The following GALNTL6 variants were observed in gnomAD, a reference collection of about 807,000 sequenced individuals.
GALNTL6 encodes polypeptide N-acetylgalactosaminyltransferase-like 6.
A neutral mutation model predicts 73.7 loss-of-function variants in GALNTL6; 46 were observed. The observed-to-expected ratio is 0.62, with a 90% CI of 0.49 to 0.80. The LOEUF is 0.80. GALNTL6 is among the 30% of genes least tolerant of loss of function. GALNTL6 has a pLI of 0.00. For synonymous variants in GALNTL6, 259 were observed against 263.7 expected (o/e 0.98, Z 0.17); for missense variants, 604 against 755.0 (o/e 0.80, Z 2.34).
chr4:171,907,167 A>G (rs1737310257), intron 2 of GALNTL6, among the ~76,000 whole-genome samples: 1 of 152,082 alleles, frequency 6.6e-6, no homozygotes, highest in Non-Finnish European at 1.5e-5. Flanking sequence ...GGAGAAGGAA[A>G]TAAAGGGTAT....
At chr4:171,962,186 C>T (rs1204814608) in intron 2 of GALNTL6, among the ~76,000 whole-genome samples, 1 of 152,080 alleles carries the variant, frequency 6.6e-6, no homozygotes, top group Non-Finnish European at 1.5e-5. Flanking sequence ...TGTCTCTAAC[C>T]CTTTGGATTA....
In GALNTL6 at chr4:172,680,380, G is replaced by GA. The variant is rs201365314; in HGVS notation, c.554-128975dup. ...GAACTAAGAAGGAATAATAATAATGGAAAAAAGGAAGGAAGGAATGAAGGG... is the reference window on the plus strand; with the variant it reads ...GAACTAAGAAGGAATAATAATAATGGAAAAAAAGGAAGGAAGGAATGAAGGG... On this transcript the variant is annotated intron_variant, in intron 5 of 12. Transcript: ENST00000506823. Among the ~76,000 whole-genome samples the GA allele has an allele frequency of 5.8e-3, 877 of 151,980 alleles. 14 individuals carry two copies. Among genetic ancestry groups the GA allele is most frequent in the African/African-American group, 0.018 (727 of 41,440 alleles).
At position 172,066,707 on chromosome 4, in the gene GALNTL6, T is replaced by G. The variant is rs62331073; in HGVS notation, c.139-162949T>G. ...TCATCTACAGATAGTGTCACCCTAT[T>G]GCATCTGAACACTACACTTATCATT... On this transcript the variant is annotated intron_variant, in intron 2 of 12. Transcript: ENST00000506823. Among the ~76,000 whole-genome samples the G allele has an allele frequency of 1.2e-3, 184 of 152,228 alleles. 1 individual carries two copies. Among genetic ancestry groups the G allele is most frequent in the Middle Eastern group, 3.4e-3 (1 of 294 alleles).
At chr4:172,074,413 G>T (rs951892604) in intron 2 of GALNTL6, among the ~76,000 whole-genome samples, 2 of 152,170 alleles carry the variant, frequency 1.3e-5, no homozygotes, top group Non-Finnish European at 2.9e-5. Context: ...AGACATTTGG[G>T]TTATTTGAAG....
chr4:172,617,269 C>G (rs1738776664), intron 5 of GALNTL6, among the ~76,000 whole-genome samples: 1 of 151,662 alleles, frequency 6.6e-6, no homozygotes, highest in African/African-American at 2.4e-5. Flanking sequence ...TTTGTAATAA[C>G]AGCATCTCAG....
chr4:171,830,948 T>C (rs545822740), intron 2 of GALNTL6, among the ~76,000 whole-genome samples: 31 of 152,278 alleles, frequency 2.0e-4, no homozygotes, highest in African/African-American at 7.2e-4. Context: ...GAAAAGCTTA[T>C]TTTTAAAACT....
chr4:172,036,986 C>T (rs529334361), intron 2 of GALNTL6, among the ~76,000 whole-genome samples: 7 of 152,130 alleles, frequency 4.6e-5, no homozygotes, highest in African/African-American at 1.4e-4. Context: ...CTTTAAGTTA[C>T]AAGCATTCAA....
At chr4:171,941,100 A>G (rs1275907671) in intron 2 of GALNTL6, among the ~76,000 whole-genome samples, 2 of 152,166 alleles carry the variant, frequency 1.3e-5, no homozygotes, top group Non-Finnish European at 2.9e-5. Context: ...ATGTAATATC[A>G]TTAATAATAG....
At chr4:172,756,646 A>AG (rs1265377667) in intron 5 of GALNTL6, among the ~76,000 whole-genome samples, 3 of 152,168 alleles carry the variant, frequency 2.0e-5, no homozygotes, top group Non-Finnish European at 2.9e-5. Context: ...ACTAAAAAAA[A>AG]AAAAAGAAAG....
At chr4:172,261,854 A>G (rs1738269081) in intron 3 of GALNTL6, among the ~76,000 whole-genome samples, 2 of 151,354 alleles carry the variant, frequency 1.3e-5, no homozygotes, top group South Asian at 2.1e-4. Context: ...TTCAGTGTTG[A>G]CCCAAAGATC....
rs1427926180 is a variant in GALNTL6 at position 172,776,806 on chromosome 4, T to C, written c.554-32555T>C. On this transcript the variant is annotated intron_variant, in intron 5 of 12. Coordinates refer to ENST00000506823, the MANE Select transcript of GALNTL6 (RefSeq NM_001034845.3). The stretch of plus-strand genomic sequence containing the variant: ...TTGGCTTTTAAAATAAGTGCTCTAA[T>C]ATGTGGACCACCACTAGTAGTTTGA... Among the ~76,000 whole-genome samples the C allele has an allele frequency of 3.9e-5, 6 of 152,350 alleles. No homozygotes were observed. In the East Asian group the frequency reaches 1.2e-3, roughly 29 times the overall value.
intron 5 of GALNTL6, among the ~76,000 whole-genome samples, chr4:172,569,365 C>T (rs1019637334): frequency 6.6e-6 from 1 of 152,146 alleles, no homozygotes; most frequent in Non-Finnish European, 1.5e-5. Context: ...ATGACCTAAT[C>T]ACCACTGAAA....
chr4:172,649,020 C>A (rs897630584), intron 5 of GALNTL6, among the ~76,000 whole-genome samples: 3 of 152,070 alleles, frequency 2.0e-5, no homozygotes, highest in African/African-American at 7.2e-5. Context: ...TAATAGTTAA[C>A]AATTTTATTA....
intron 7 of GALNTL6, among the ~76,000 whole-genome samples, chr4:172,819,234 G>T (rs1271234370): frequency 2.0e-5 from 3 of 152,198 alleles, no homozygotes; most frequent in African/African-American, 7.2e-5. Context: ...TTTACTGATA[G>T]TACCTTCCAT....
intron 5 of GALNTL6, among the ~76,000 whole-genome samples, chr4:172,750,185 C>T (rs143450688): frequency 1.3e-5 from 2 of 152,020 alleles, no homozygotes; most frequent in Admixed American, 6.5e-5. Flanking sequence ...TTCAGGGTTG[C>T]GGGTGGATAG....
At chr4:172,516,961 G>A (rs1359637150) in intron 5 of GALNTL6, among the ~76,000 whole-genome samples, 2 of 152,102 alleles carry the variant, frequency 1.3e-5, no homozygotes, top group African/African-American at 4.8e-5. Context: ...TTCCACTTAT[G>A]TGAGGTATCT....
At chr4:173,002,762 T>G (rs1050800081) in intron 10 of GALNTL6, among the ~76,000 whole-genome samples, 7 of 138,170 alleles carry the variant, frequency 5.1e-5, no homozygotes, top group African/African-American at 1.4e-4. Context: ...GCCACTGCAC[T>G]CCAGCCTGGG....
At chr4:172,978,868 A>G (rs1052367617) in intron 10 of GALNTL6, among the ~76,000 whole-genome samples, 6 of 152,226 alleles carry the variant, frequency 3.9e-5, no homozygotes, top group Non-Finnish European at 7.3e-5. Flanking sequence ...ATTCCCAGGC[A>G]TCTCTGTTTA....
At chr4:171,829,022 A>T (rs1334723984) in intron 2 of GALNTL6, among the ~76,000 whole-genome samples, 1 of 152,180 alleles carries the variant, frequency 6.6e-6, no homozygotes, top group Non-Finnish European at 1.5e-5. Flanking sequence ...CAAAATATGC[A>T]TTAATTGACA....
Sources: gnomAD v4.1 joint callset for allele counts (sites outside exome capture counted in the v4.1 genomes callset) on GRCh38, gnomAD v4.1.1 for gene constraint, MANE v1.5 for transcripts, NCBI Gene and HGNC (gene_info 2026-07-23, HGNC 2026-07-21) for gene names.